Variants in DACH1 observed in about 807,000 individuals in gnomAD.
DACH1 encodes dachshund homolog 1.
Under a neutral mutation model 54.2 loss-of-function variants are expected in DACH1, and 12 were observed. The ratio of observed to expected loss-of-function variants is 0.22; its 90% confidence interval spans 0.14 to 0.36. The LOEUF is 0.36. Among genes scored for constraint, DACH1 ranks in the 10% least tolerant of loss-of-function variants. The probability of loss-of-function intolerance (pLI) is 1.00; values close to 1 mark genes in which losing one functional copy is unlikely to be tolerated. For missense variants in DACH1, 805 were observed against 929.8 expected (o/e 0.87, Z 1.75); for synonymous variants, 386 against 366.2 (o/e 1.05, Z -0.62).
chr13:71,551,437 C>T (rs1266266345), intron 6 of DACH1, among the ~76,000 whole-genome samples: 1 of 152,058 alleles, frequency 6.6e-6, no homozygotes, highest in Non-Finnish European at 1.5e-5. Flanking sequence ...TATTTGGACC[C>T]ATTAATCCTC....
chr13:71,687,435 A>C (rs1397288329), intron 1 of DACH1, among the ~76,000 whole-genome samples: 1 of 152,150 alleles, frequency 6.6e-6, no homozygotes, highest in Admixed American at 6.5e-5. Context: ...ATCAGAGCAC[A>C]TGAGACAGAA....
chr13:71,512,514 C>T (rs1234311458), intron 6 of DACH1, among the ~76,000 whole-genome samples: 1 of 151,730 alleles, frequency 6.6e-6, no homozygotes, highest in Non-Finnish European at 1.5e-5. Context: ...TGAGTAAAGA[C>T]CAAATTCTTA....
chr13:71,654,085 C>A (rs1264223953), intron 2 of DACH1, among the ~76,000 whole-genome samples: 1 of 151,946 alleles, frequency 6.6e-6, no homozygotes, highest in Non-Finnish European at 1.5e-5. Flanking sequence ...GGATAGGTAA[C>A]CATCTAAAAT....
In DACH1 at chr13:71,658,982, G is replaced by C. The variant is rs1209424538; in HGVS notation, c.964+22813C>G. On this transcript the variant is annotated intron_variant, in intron 2 of 10. Coordinates refer to ENST00000613252, the MANE Select transcript of DACH1 (RefSeq NM_080759.6). ...ATTAGCCCAATTTTTAAGTTAGGGT[G>C]TTAAAAATCTCAGAAAAGTTTATTC... 2.0e-5 allele frequency among the ~76,000 whole-genome samples: 3 copies of C among 152,044 alleles called. No homozygotes were observed. In the East Asian group the frequency reaches 5.8e-4, roughly 29 times the overall value.
chr13:71,829,024 A>AT (rs1463136461), intron 1 of DACH1, among the ~76,000 whole-genome samples: 2 of 152,036 alleles, frequency 1.3e-5, no homozygotes, highest in Non-Finnish European at 2.9e-5. Context: ...CTAATCTGAC[A>AT]TTCAGTTCAC....
intron 4 of DACH1, among the ~76,000 whole-genome samples, chr13:71,561,696 T>C (rs971154819): frequency 6.6e-6 from 1 of 152,108 alleles, no homozygotes; most frequent in Admixed American, 6.5e-5. Context: ...TCTAATACAC[T>C]AGGTCTAAAA....
intron 1 of DACH1, among the ~76,000 whole-genome samples, chr13:71,795,010 T>C (rs1238634007): frequency 1.3e-5 from 2 of 152,076 alleles, no homozygotes; most frequent in African/African-American, 4.8e-5. Flanking sequence ...AAAAGAAAAT[T>C]TCAATAAACC....
chr13:71,473,464 C>T (rs1263451929), intron 10 of DACH1, among the ~76,000 whole-genome samples: 5 of 152,106 alleles, frequency 3.3e-5, no homozygotes, highest in Non-Finnish European at 5.9e-5. Context: ...TGAAAGTTGT[C>T]AACATTTCAG....
At chr13:71,801,480 T>C (rs1292785259) in intron 1 of DACH1, among the ~76,000 whole-genome samples, 1 of 152,092 alleles carries the variant, frequency 6.6e-6, no homozygotes, top group African/African-American at 2.4e-5. Context: ...ATCTGAAGAC[T>C]GTCAATCAAG....
rs528514150 is a variant in DACH1, at chr13:71,590,699, G to A, written c.1127-17687C>T. Among the ~76,000 whole-genome samples, 42 of 152,034 alleles carry A rather than the reference G, an allele frequency of 2.8e-4. No homozygotes were observed. The East Asian group carries it at 7.7e-3, about 28-fold the overall frequency. On this transcript the variant is annotated intron_variant, in intron 3 of 10. Coordinates refer to ENST00000613252, the MANE Select transcript of DACH1 (RefSeq NM_080759.6). ...GGACTGACATTTTATTTATAAGAAT[G>A]GGGGAAAAATAGGATATTATCTAAC... is the stretch of plus-strand genomic sequence containing the variant.
chr13:71,439,314 C>T lies in DACH1; in HGVS notation c.*1341G>A, dbSNP rs112964013. ...TTAGCATGTAATAAGCACTGTTTGCCGCTTTACTTCCAGTTATCTGCACGA... is the reference window on the plus strand; with the variant it reads ...TTAGCATGTAATAAGCACTGTTTGCTGCTTTACTTCCAGTTATCTGCACGA... On this transcript the variant is annotated 3_prime_UTR_variant, in exon 11 of 11. Transcript: ENST00000613252. 6.6e-6 allele frequency: 1 copy of T among 152,284 alleles called. No individual in the cohort carries two copies. 9.4% of individuals were successfully genotyped at this position (152,284 alleles called of 1,614,324 possible).
chr13:71,499,810 T>TA (rs1566299140), intron 6 of DACH1, among the ~76,000 whole-genome samples: 1 of 152,146 alleles, frequency 6.6e-6, no homozygotes, highest in Non-Finnish European at 1.5e-5. Context: ...TGCCTACAGA[T>TA]AGATTCTTCC....
chr13:71,619,093 C>G (rs755437757), intron 3 of DACH1, among the ~76,000 whole-genome samples: 13 of 150,620 alleles, frequency 8.6e-5, no homozygotes, highest in Non-Finnish European at 1.3e-4. Flanking sequence ...TAATCTAATT[C>G]TGTTTTATAT....
intron 3 of DACH1, among the ~76,000 whole-genome samples, chr13:71,574,033 T>G (rs1266131765): frequency 6.6e-6 from 1 of 152,140 alleles, no homozygotes; most frequent in Non-Finnish European, 1.5e-5. Context: ...GGTTAGACAT[T>G]GTACAGAGAA....
chr13:71,479,397 A>G (rs2138182662), intron 7 of DACH1, 81 bp from the exon 8 acceptor site: 1 of 1,419,066 alleles, frequency 7.0e-7, no homozygotes, highest in Non-Finnish European at 9.6e-7. Flanking sequence ...TTTTCAAAGC[A>G]AAGAACCCAG....
chr13:71,748,918 T>C (rs1187428168), intron 1 of DACH1, among the ~76,000 whole-genome samples: 4,683 of 46,840 alleles, frequency 0.1, 482 homozygotes, highest in African/African-American at 0.18. Context: ...CTTTCTTTCT[T>C]TCTTTCTTTC....
At chr13:71,759,889 G>C (rs1426996129) in intron 1 of DACH1, among the ~76,000 whole-genome samples, 2 of 152,122 alleles carry the variant, frequency 1.3e-5, no homozygotes, top group East Asian at 3.9e-4. Flanking sequence ...GCCCTTATGA[G>C]GCACTAGTGA....
chr13:71,662,866 T>G (rs896139779), intron 2 of DACH1, among the ~76,000 whole-genome samples: 11 of 151,944 alleles, frequency 7.2e-5, no homozygotes, highest in Admixed American at 7.2e-4. Context: ...TTTGAAAAAA[T>G]TTATAGTGCT....
intron 10 of DACH1, among the ~76,000 whole-genome samples, chr13:71,472,974 G>T (rs913295828): frequency 6.6e-6 from 1 of 152,130 alleles, no homozygotes; most frequent in African/African-American, 2.4e-5. Flanking sequence ...ATTGAATAGG[G>T]TGTTAGAATA....
Sources: gnomAD v4.1 joint callset for allele counts (sites outside exome capture counted in the v4.1 genomes callset) on GRCh38, gnomAD v4.1.1 for gene constraint, MANE v1.5 for transcripts, NCBI Gene and HGNC (gene_info 2026-07-23, HGNC 2026-07-21) for gene names.